HMGA2: variants seen among roughly 807,000 people sequenced by gnomAD.
The protein encoded by HMGA2 is high mobility group AT-hook 2, also known as high mobility group protein HMGI-C.
HMGA2 carries 8 observed loss-of-function variants against 19.1 expected under a neutral mutation model. The observed-to-expected ratio is 0.42, with a 90% confidence interval of 0.25 to 0.76. The LOEUF is 0.76. HMGA2 is among the 30% of genes least tolerant of loss of function. The pLI is 0.28. For missense variants in HMGA2, 109 were observed against 136.3 expected (o/e 0.80, Z 1.00); for synonymous variants, 60 against 48.8 (o/e 1.23, Z -0.96).
intron 3 of HMGA2, among the ~76,000 whole-genome samples, chr12:65,892,368 A>G (rs1159657749): frequency 6.6e-6 from 1 of 152,134 alleles, no homozygotes. Flanking sequence ...AGTCGTCCCA[A>G]CTGTGATTTT....
chr12:65,938,840 T>G (rs943980350), intron 3 of HMGA2, among the ~76,000 whole-genome samples: 1 of 151,732 alleles, frequency 6.6e-6, no homozygotes, highest in African/African-American at 2.4e-5. Context: ...ATTTTTGTAC[T>G]TTTTTTTAGA....
intron 3 of HMGA2, among the ~76,000 whole-genome samples, chr12:65,919,117 A>G (rs1284780464): frequency 2.0e-5 from 3 of 152,214 alleles, no homozygotes; most frequent in African/African-American, 4.8e-5. Context: ...GACCTCACAC[A>G]TTTTACAGCC....
intron 3 of HMGA2, among the ~76,000 whole-genome samples, chr12:65,945,648 C>T (rs1241504605): frequency 1.3e-5 from 2 of 152,156 alleles, no homozygotes; most frequent in East Asian, 1.9e-4. Context: ...TGCCCAACCA[C>T]ACAAGTCGAG....
intron 2 of HMGA2, among the ~76,000 whole-genome samples, chr12:65,832,787 G>A (rs1448712102): frequency 6.6e-6 from 1 of 151,966 alleles, no homozygotes; most frequent in Non-Finnish European, 1.5e-5. Flanking sequence ...TTTAAATTAG[G>A]GAAGAGTAGT....
chr12:65,919,428 C>G (rs761535760), intron 3 of HMGA2, among the ~76,000 whole-genome samples: 17 of 152,188 alleles, frequency 1.1e-4, no homozygotes, highest in Non-Finnish European at 2.1e-4. Context: ...CTATTCTGCT[C>G]TTGCCTGATT....
chr12:65,879,925 T>A (rs1873276950), intron 3 of HMGA2, among the ~76,000 whole-genome samples: 1 of 152,164 alleles, frequency 6.6e-6, no homozygotes, highest in Non-Finnish European at 1.5e-5. Flanking sequence ...TGAATAGAAA[T>A]CATAAAAGCC....
intron 3 of HMGA2, among the ~76,000 whole-genome samples, chr12:65,849,352 T>G (rs1273693556): frequency 6.6e-6 from 1 of 152,196 alleles, no homozygotes; most frequent in Non-Finnish European, 1.5e-5. Context: ...CTCATTCTCT[T>G]GAGAGATGGA....
At chr12:65,961,934 G>A (rs1399944944) in intron 4 of HMGA2, among the ~76,000 whole-genome samples, 2 of 152,170 alleles carry the variant, frequency 1.3e-5, no homozygotes, top group Non-Finnish European at 2.9e-5. Flanking sequence ...ATGCAGACAA[G>A]CTTTAAGGCA....
chr12:65,931,294 G>A (rs1875701336), intron 3 of HMGA2, among the ~76,000 whole-genome samples: 1 of 151,986 alleles, frequency 6.6e-6, no homozygotes, highest in Admixed American at 6.6e-5. Context: ...AAGCCATCTT[G>A]TTGAAGAGGG....
At chr12:65,915,358 G>A in intron 3 of HMGA2, 1 of 1,339,810 alleles carries the variant, frequency 7.5e-7, no homozygotes, top group Admixed American at 3.0e-5. Flanking sequence ...GTACGAATTT[G>A]AAAAAAGTAC....
At chr12:65,866,848 C>G (rs1872443905) in intron 3 of HMGA2, 2 of 457,144 alleles carry the variant, frequency 4.4e-6, no homozygotes, top group Non-Finnish European at 8.8e-6. Flanking sequence ...CCATTGCCCT[C>G]TCAACCCATC....
chr12:65,867,131 C>CA, intron 3 of HMGA2, among the ~76,000 whole-genome samples: 1 of 152,116 alleles, frequency 6.6e-6, no homozygotes, highest in Non-Finnish European at 1.5e-5. Flanking sequence ...CACATAATGA[C>CA]AAAAAAACAT....
intron 3 of HMGA2, among the ~76,000 whole-genome samples, chr12:65,914,300 A>G (rs945046311): frequency 7.9e-5 from 12 of 152,090 alleles, no homozygotes; most frequent in Non-Finnish European, 1.3e-4. Context: ...ACACCATGGA[A>G]TACTATGCAG....
intron 3 of HMGA2, among the ~76,000 whole-genome samples, chr12:65,944,260 G>C (rs1378563708): frequency 6.6e-6 from 1 of 152,170 alleles, no homozygotes; most frequent in Admixed American, 6.5e-5. Context: ...AATTCAAAGT[G>C]ACAGTTTTCA....
chr12:65,865,676 C>A (rs1872363809), intron 3 of HMGA2, among the ~76,000 whole-genome samples: 1 of 149,196 alleles, frequency 6.7e-6, no homozygotes, highest in Non-Finnish European at 1.5e-5. Flanking sequence ...GCTCTGTCAC[C>A]CAGGCTGGAG....
intron 3 of HMGA2, chr12:65,860,164 C>A (rs1177230721): frequency 6.0e-6 from 2 of 330,942 alleles, no homozygotes; most frequent in Non-Finnish European, 6.4e-6. Context: ...ATCCTAGCTT[C>A]GCCTAGCCTA....
chr12:65,942,883 G>T (rs939365181), intron 3 of HMGA2, among the ~76,000 whole-genome samples: 8 of 151,936 alleles, frequency 5.3e-5, no homozygotes, highest in African/African-American at 1.9e-4. Context: ...ATTTCTTTGT[G>T]ATAGGGAAAA....
At position 65,824,782 on chromosome 12, in the gene HMGA2, G is replaced by A. The variant is rs1048751378; in HGVS notation, c.-489G>A. ...CTCTCTCTCTCTCGCAGGGTGGGGG[G>A]AAGAGGAGGAGGAATTCTTTCCCCG... On this transcript the variant is annotated 5_prime_UTR_variant, in exon 1 of 5. Coordinates refer to ENST00000403681, the MANE Select transcript of HMGA2 (RefSeq NM_003483.6). The A allele has an allele frequency of 4.4e-6, 1 of 226,010 alleles. No individual in the cohort carries two copies. Among genetic ancestry groups the A allele is most frequent in the Non-Finnish European group, 8.6e-6 (1 of 116,730 alleles). 14.0% of individuals were successfully genotyped at this position (226,010 alleles called of 1,614,324 possible).
intron 3 of HMGA2, among the ~76,000 whole-genome samples, chr12:65,889,783 G>A (rs573211640): frequency 1.3e-5 from 2 of 152,258 alleles, no homozygotes; most frequent in South Asian, 2.1e-4. Context: ...AACAAACCAA[G>A]GCACAATGAG....
Sources: gnomAD v4.1 joint callset for allele counts (sites outside exome capture counted in the v4.1 genomes callset) on GRCh38, gnomAD v4.1.1 for gene constraint, MANE v1.5 for transcripts, NCBI Gene and HGNC (gene_info 2026-07-23, HGNC 2026-07-21) for gene names.